NOP58: variants seen among roughly 807,000 people sequenced by gnomAD.
The protein encoded by NOP58 is nucleolar protein 58.
In NOP58, 44 loss-of-function variants were observed where a neutral mutation model predicts 71.2. That is an observed-to-expected ratio of 0.62 (90% confidence interval 0.49 to 0.79). NOP58 has a LOEUF of 0.79. Ranked by LOEUF, NOP58 falls within the 30% of genes least tolerant of loss-of-function variation. The pLI is 0.00. For missense variants in NOP58, 538 were observed against 620.2 expected (o/e 0.87, Z 1.41); for synonymous variants, 228 against 200.3 (o/e 1.14, Z -1.17).
intron 7 of NOP58, 100 bp from the exon 8 acceptor site, chr2:202,291,025 C>A: frequency 9.1e-7 from 1 of 1,097,560 alleles, no homozygotes; most frequent in Non-Finnish European, 1.3e-6. Flanking sequence ...GTTTAGGCAT[C>A]CTTTTCATTG....
chr2:202,284,513 CT>C lies in NOP58; in HGVS notation c.434+36del, dbSNP rs1688759320. On this transcript the variant is annotated intron_variant, in intron 5 of 14. Transcript: ENST00000264279. ...ATTACTGGAAAATAAAGTCAACTTACTTTTATTTGATAAGCGCTTAACATAG... is the reference window on the plus strand; with the variant it reads ...ATTACTGGAAAATAAAGTCAACTTACTTTATTTGATAAGCGCTTAACATAG... 3 of 1,608,492 alleles carry C rather than the reference CT, an allele frequency of 1.9e-6. No individual in the cohort carries two copies. In the South Asian group the frequency reaches 3.3e-5, roughly 18 times the overall value.
At chr2:202,277,899 T>C (rs762919968) in intron 2 of NOP58, 51 bp from the exon 3 acceptor site, 10 of 952,206 alleles carry the variant, frequency 1.1e-5, no homozygotes, top group African/African-American at 3.3e-5. Flanking sequence ...GGCTTTTGAA[T>C]CAACGCACTG....
chr2:202,290,263 G>A lies in NOP58; in HGVS notation c.500-60G>A, dbSNP rs932686570. ...CCTGAAGTGTTAAATTTTATGTTGT[G>A]TATGTTTTACCACAATAAATCCCTT... On this transcript the variant is annotated intron_variant, in intron 6 of 14. Coordinates refer to ENST00000264279, the MANE Select transcript of NOP58 (RefSeq NM_015934.5). 1.5e-5 allele frequency: 21 copies of A among 1,399,214 alleles called. No homozygotes were observed. The African/African-American group carries it at 2.4e-4, about 16-fold the overall frequency. The allele number at this position is 1,399,214 out of a possible 1,614,324, so 86.7% of individuals were successfully genotyped here. A position where few individuals can be genotyped will look rare whatever the true frequency, so the allele number is the denominator to read the frequency against.
chr2:202,283,459 T>TTA (rs2105845118), intron 4 of NOP58, among the ~76,000 whole-genome samples: 1 of 149,112 alleles, frequency 6.7e-6, no homozygotes, highest in African/African-American at 2.5e-5. Flanking sequence ...TTTTTTTTTT[T>TTA]AAGACGGAGT....
Position 202,293,070 on chromosome 2 carries a change from ATTTG to A in NOP58, c.907+172_907+175del, listed in dbSNP as rs1559265693. On this transcript the variant is annotated intron_variant, in intron 9 of 14. Coordinates refer to ENST00000264279, the MANE Select transcript of NOP58 (RefSeq NM_015934.5). ...GGCCAAGTGTTCAATGATGATTTCT[ATTTG>A]TTTGCCTGATTTCCTTTTGGATAAT... The A allele has an allele frequency of 3.7e-6, 3 of 808,536 alleles. 1 individual carries two copies. Among genetic ancestry groups the A allele is most frequent in the South Asian group, 2.7e-5 (2 of 74,626 alleles). 50.1% of individuals were successfully genotyped at this position (808,536 alleles called of 1,614,324 possible).
At chr2:202,285,792 T>C (rs1284165658) in intron 5 of NOP58, among the ~76,000 whole-genome samples, 2 of 152,190 alleles carry the variant, frequency 1.3e-5, no homozygotes, top group African/African-American at 4.8e-5. Flanking sequence ...AAGAAAATAA[T>C]GGTAGGTAGT....
At chr2:202,277,486 A>C (rs567356086) in intron 2 of NOP58, among the ~76,000 whole-genome samples, 5 of 152,130 alleles carry the variant, frequency 3.3e-5, no homozygotes, top group East Asian at 3.9e-4. Context: ...AAAAAAAAAA[A>C]CAAAAAACCA....
rs1688405650 is a variant in NOP58, at chr2:202,265,923, G to C, written c.-19G>C. ...TACAGCTTCTGGCAGGCCGTGCGGC[G>C]CCCTGACCCGGCCTCACCATGTTGG... On this transcript the variant is annotated 5_prime_UTR_variant, in exon 1 of 15. Transcript: ENST00000264279. 4 of 1,614,020 alleles carry C rather than the reference G, an allele frequency of 2.5e-6. No individual in the cohort carries two copies. The highest frequency in any genetic ancestry group is 1.7e-5 in the Admixed American group (1 of 60,006).
Position 202,302,931 on chromosome 2 carries a change from GGAA to G in NOP58, c.1420_1422del (p.Glu474del), listed in dbSNP as rs768171798. ...ACTTACCCTATTCAGTTGAAGAAGA[GGAA>G]GAAGAAAAAGTGGCAGAAGAAGAAG... On this transcript the variant is annotated inframe_deletion, in exon 14 of 15. Transcript: ENST00000264279. 1.0e-4 allele frequency: 166 copies of G among 1,603,328 alleles called. No homozygotes were observed. Among genetic ancestry groups the G allele is most frequent in the Non-Finnish European group, 1.3e-4 (159 of 1,178,968 alleles).
At chr2:202,300,053 A>G in intron 12 of NOP58, 181 bp from the exon 13 acceptor site, 1 of 534,638 alleles carries the variant, frequency 1.9e-6, no homozygotes, top group Non-Finnish European at 3.3e-6. Context: ...TACTTGAAAA[A>G]TATTAATACC....
Position 202,265,799 on chromosome 2 carries a change from G to A in NOP58, c.-143G>A, listed in dbSNP as rs546247277. On this transcript the variant is annotated 5_prime_UTR_variant, in exon 1 of 15. Coordinates refer to ENST00000264279, the MANE Select transcript of NOP58 (RefSeq NM_015934.5). The stretch of plus-strand genomic sequence containing the variant: ...ACAGCGTGGAGGGTTTAGGCAGCGT[G>A]TTCTGATTCTTTGCGGGACGGCGAG... 1.2e-6 allele frequency: 1 copy of A among 824,874 alleles called. No homozygotes were observed. The allele number at this position is 824,874 out of a possible 1,614,324, so 51.1% of individuals were successfully genotyped here. A position where few individuals can be genotyped will look rare whatever the true frequency, so the allele number is the denominator to read the frequency against.
chr2:202,297,855 T>C lies in NOP58; in HGVS notation c.1217T>C (p.Ile406Thr), dbSNP rs1206882254. 1 of 1,571,370 alleles carries C rather than the reference T, an allele frequency of 6.4e-7. No individual in the cohort carries two copies. Residue 406 changes from isoleucine (I) to threonine (T), a missense_variant, in exon 12 of 15, where the codon ATA (isoleucine) becomes ACA (threonine). Ile to Thr is a moderately conservative substitution (Grantham distance 89). Transcript: ENST00000264279. ...RTLEDRGIRK[I>T]SGTGKALAKT... ...TCGTTTTCTTCTTAGATAAGAAAAATAAGTGGAACAGGAAAAGCATTAGCA... is the reference window on the plus strand; with the variant it reads ...TCGTTTTCTTCTTAGATAAGAAAAACAAGTGGAACAGGAAAAGCATTAGCA...
intron 13 of NOP58, among the ~76,000 whole-genome samples, chr2:202,302,672 G>A (rs1179174859): frequency 1.3e-5 from 2 of 152,162 alleles, no homozygotes; most frequent in African/African-American, 2.4e-5. Context: ...GAGATCAGAT[G>A]ACCTTTGTTT....
chr2:202,277,652 CTG>C (rs1336573409), intron 2 of NOP58, among the ~76,000 whole-genome samples: 2 of 152,152 alleles, frequency 1.3e-5, no homozygotes, highest in Middle Eastern at 3.2e-3. Context: ...AAAGTCATCT[CTG>C]TACAGCTTTA....
At chr2:202,267,682 G>C (rs970196316) in intron 1 of NOP58, among the ~76,000 whole-genome samples, 1 of 152,124 alleles carries the variant, frequency 6.6e-6, no homozygotes, top group Non-Finnish European at 1.5e-5. Context: ...ATACTGTCCT[G>C]TACCGGATGT....
rs149363500 is a variant in NOP58, at chr2:202,274,160, T to G, written c.46-953T>G. Among the ~76,000 whole-genome samples, 170 of 152,308 alleles carry G rather than the reference T, an allele frequency of 1.1e-3. 1 individual carries two copies. The highest frequency in any genetic ancestry group is 3.1e-3 in the African/African-American group (129 of 41,566). On this transcript the variant is annotated intron_variant, in intron 1 of 14. Coordinates refer to ENST00000264279, the MANE Select transcript of NOP58 (RefSeq NM_015934.5). Reference sequence around the variant, plus strand: ...TAGAGAAATCCATAATACTTTCATGTTAGGATGATCATAGCAGTAAATAAC... The same window carrying G: ...TAGAGAAATCCATAATACTTTCATGGTAGGATGATCATAGCAGTAAATAAC...
intron 4 of NOP58, among the ~76,000 whole-genome samples, chr2:202,283,171 C>A (rs1688733342): frequency 6.6e-6 from 1 of 152,172 alleles, no homozygotes; most frequent in African/African-American, 2.4e-5. Context: ...AGCAATCCTC[C>A]CTCTTCAGTA....
intron 13 of NOP58, among the ~76,000 whole-genome samples, chr2:202,301,591 A>C (rs1689094709): frequency 6.6e-6 from 1 of 152,220 alleles, no homozygotes; most frequent in African/African-American, 2.4e-5. Context: ...TTCCACTTGA[A>C]AGTATGTAGT....
intron 13 of NOP58, among the ~76,000 whole-genome samples, chr2:202,302,083 C>CTTTTTTTTTTTTT (rs71031885): frequency 8.3e-4 from 75 of 90,586 alleles, no homozygotes; most frequent in Non-Finnish European, 9.4e-4. Context: ...TTTTTTTTTT[C>CTTTTTTTTTTTTT]TTTTTTTTTT....
Sources: gnomAD v4.1 joint callset for allele counts (sites outside exome capture counted in the v4.1 genomes callset) on GRCh38, gnomAD v4.1.1 for gene constraint, MANE v1.5 for transcripts, NCBI Gene and HGNC (gene_info 2026-07-23, HGNC 2026-07-21) for gene names.